EYS: variants seen among roughly 807,000 people sequenced by gnomAD.
The protein encoded by EYS is protein eyes shut homolog.
Under a neutral mutation model 282.1 loss-of-function variants are expected in EYS, and 250 were observed. The ratio of observed to expected loss-of-function variants is 0.89; its 90% CI spans 0.80 to 0.98. The LOEUF is 0.98. Ranked by LOEUF, EYS falls within the 50% of genes least tolerant of loss-of-function variation. EYS has a pLI of 0.00. For missense variants in EYS, 4,016 were observed against 3,709.0 expected, an observed-to-expected ratio of 1.08 and a Z score of -2.15; for synonymous variants, 1,355 against 1,282.9, an observed-to-expected ratio of 1.06 and a Z score of -1.20.
intron 33 of EYS, among the ~76,000 whole-genome samples, chr6:64,045,584 T>A (rs1296461176): frequency 6.6e-6 from 1 of 151,518 alleles, no homozygotes; most frequent in African/African-American, 2.4e-5. Flanking sequence ...TAGCTGTGAT[T>A]ACAGGCACCC....
chr6:64,604,112 T>C (rs1766850547), intron 24 of EYS, among the ~76,000 whole-genome samples: 2 of 151,962 alleles, frequency 1.3e-5, no homozygotes, highest in South Asian at 4.1e-4. Flanking sequence ...TCTGTCTCTT[T>C]CTCTTGGTTT....
intron 30 of EYS, among the ~76,000 whole-genome samples, chr6:64,251,601 C>A (rs1004642913): frequency 6.6e-6 from 1 of 152,124 alleles, no homozygotes; most frequent in Admixed American, 6.6e-5. Context: ...ATGTGGTTCT[C>A]CCAACGTAAA....
intron 24 of EYS, among the ~76,000 whole-genome samples, chr6:64,614,515 T>C (rs1034913784): frequency 3.3e-5 from 5 of 152,020 alleles, no homozygotes; most frequent in Non-Finnish European, 7.4e-5. Flanking sequence ...TGAGCAGTAA[T>C]AAAACAACCT....
At chr6:63,984,816 A>G (rs918635670) in intron 34 of EYS, among the ~76,000 whole-genome samples, 1 of 151,780 alleles carries the variant, frequency 6.6e-6, no homozygotes, top group African/African-American at 2.4e-5. Flanking sequence ...TTTAGCTCTA[A>G]CAATATCTAA....
intron 22 of EYS, among the ~76,000 whole-genome samples, chr6:64,671,370 A>G (rs1769456930): frequency 6.6e-6 from 1 of 152,124 alleles, no homozygotes; most frequent in South Asian, 2.1e-4. Context: ...GGGACACAGC[A>G]AGGAGCCATT....
intron 9 of EYS, among the ~76,000 whole-genome samples, chr6:65,352,731 T>C (rs1764332721): frequency 6.6e-6 from 1 of 151,946 alleles, no homozygotes. Flanking sequence ...TGTGTTTCTC[T>C]ACTTGTTATA....
At chr6:65,435,569 G>A (rs921445133) in intron 5 of EYS, among the ~76,000 whole-genome samples, 13 of 151,886 alleles carry the variant, frequency 8.6e-5, no homozygotes, top group Admixed American at 6.6e-4. Context: ...TTTTAACTGG[G>A]TGAAGGGCCC....
intron 13 of EYS, among the ~76,000 whole-genome samples, chr6:65,010,111 G>C (rs1771819550): frequency 6.6e-6 from 1 of 152,128 alleles, no homozygotes; most frequent in South Asian, 2.1e-4. Flanking sequence ...GGCAAGACTT[G>C]ACTTTATATG....
chr6:64,660,433 G>C, intron 22 of EYS, among the ~76,000 whole-genome samples: 1 of 151,858 alleles, frequency 6.6e-6, no homozygotes, highest in East Asian at 1.9e-4. Flanking sequence ...ATTAGGAAAA[G>C]AGGAAGTCAA....
chr6:65,567,004 G>T (rs1764286627), intron 2 of EYS, among the ~76,000 whole-genome samples: 1 of 152,056 alleles, frequency 6.6e-6, no homozygotes, highest in Admixed American at 6.6e-5. Flanking sequence ...CAGTTCAAGT[G>T]TTGGTAGATG....
chr6:64,723,002 G>A (rs1383115779), intron 22 of EYS, among the ~76,000 whole-genome samples: 1 of 151,046 alleles, frequency 6.6e-6, no homozygotes, highest in Non-Finnish European at 1.5e-5. Flanking sequence ...ATCTGTAGCA[G>A]CAACCCCTTA....
chr6:65,177,586 A>G (rs1362151345), intron 12 of EYS, among the ~76,000 whole-genome samples: 2 of 151,756 alleles, frequency 1.3e-5, no homozygotes, highest in Non-Finnish European at 2.9e-5. Flanking sequence ...CCAATTCAGT[A>G]TCTGTGTATG....
At chr6:65,084,204 A>G (rs939468143) in intron 12 of EYS, among the ~76,000 whole-genome samples, 13 of 152,088 alleles carry the variant, frequency 8.5e-5, no homozygotes, top group Non-Finnish European at 1.9e-4. Context: ...AGTCCTGGTT[A>G]ACTTCTGAAA....
chr6:64,606,611 T>C (rs559133938), intron 24 of EYS, among the ~76,000 whole-genome samples: 140 of 152,218 alleles, frequency 9.2e-4, no homozygotes, highest in Middle Eastern at 3.4e-3. Context: ...TTTAGAACAT[T>C]AAGAACAATG....
chr6:65,156,875 G>A (rs1465308898), intron 12 of EYS, among the ~76,000 whole-genome samples: 1 of 150,720 alleles, frequency 6.6e-6, no homozygotes, highest in East Asian at 2.0e-4. Flanking sequence ...AAATCTACTT[G>A]GATTATCCCT....
At chr6:64,988,849 T>C (rs1307707238) in intron 14 of EYS, among the ~76,000 whole-genome samples, 1 of 151,502 alleles carries the variant, frequency 6.6e-6, no homozygotes. Flanking sequence ...TCAAAACACA[T>C]GATCAGTGAA....
chr6:65,705,397 T>C (rs537845772), intron 1 of EYS, among the ~76,000 whole-genome samples: 42 of 152,194 alleles, frequency 2.8e-4, no homozygotes, highest in Non-Finnish European at 5.6e-4. Flanking sequence ...CCTTTCCTCT[T>C]TTTTGTTTTC....
At chr6:64,571,088 C>T (rs1396997929) in intron 26 of EYS, among the ~76,000 whole-genome samples, 1 of 152,186 alleles carries the variant, frequency 6.6e-6, no homozygotes, top group East Asian at 1.9e-4. Context: ...GTCTCTCAGA[C>T]CACAGTGCAA....
In EYS at chr6:65,487,488, G is replaced by T. The variant is rs74725622; in HGVS notation, c.862+3106C>A. On this transcript the variant is annotated intron_variant, in intron 5 of 42. Coordinates refer to ENST00000503581, the MANE Select transcript of EYS (RefSeq NM_001142800.2). ...CAATGGATGACATTTGTTGATTTGC[G>T]TATGTTTAACTGGCATTGCATCTCA... is the stretch of plus-strand genomic sequence containing the variant. Among the ~76,000 whole-genome samples the T allele has an allele frequency of 5.6e-4, 86 of 152,220 alleles. 1 individual carries two copies. The highest frequency in any genetic ancestry group is 3.4e-3 in the Middle Eastern group (1 of 294).
Sources: allele counts gnomAD v4.1 joint callset (sites outside exome capture counted in the v4.1 genomes callset), GRCh38; gene constraint gnomAD v4.1.1; transcripts MANE v1.5; gene names NCBI Gene and HGNC (gene_info 2026-07-23, HGNC 2026-07-21).